The following ZNF558 variants were observed in gnomAD, a reference collection of about 807,000 sequenced individuals.
ZNF558 encodes the protein zinc finger protein 558.
ZNF558 carries 23 observed loss-of-function variants against 37.6 expected under a neutral mutation model. The ratio of observed to expected loss-of-function variants is 0.61; its 90% CI spans 0.44 to 0.87. The LOEUF (loss-of-function observed/expected upper bound fraction) is 0.87. Ranked by LOEUF, ZNF558 falls within the 40% of genes least tolerant of loss-of-function variation. The probability of loss-of-function intolerance (pLI) is 0.00; values close to 1 mark genes in which losing one functional copy is unlikely to be tolerated. For synonymous variants in ZNF558, 189 were observed against 174.4 expected (o/e 1.08, Z -0.66); for missense variants, 429 against 483.7 (o/e 0.89, Z 1.06).
At position 8,822,122 on chromosome 19, in the gene ZNF558, C is replaced by T. The variant is rs2044109117; in HGVS notation, c.32-31G>A. On this transcript the variant is annotated intron_variant, in intron 5 of 9. Transcript: ENST00000601372. The surrounding 1 kb of genome is among the most constrained non-coding windows in gnomAD (Gnocchi z 4.4). ...GGAGGAGAAATGAGTCCCATGGATT[C>T]AGGCTTGTCTGACACCCACAGATCT... The T allele has an allele frequency of 6.2e-7, 1 of 1,613,074 alleles. No individual in the cohort carries two copies. The highest frequency in any genetic ancestry group is 1.1e-5 in the South Asian group (1 of 90,986).
rs1006586035 is a variant in ZNF558 at position 8,808,253 on chromosome 19, A to G, written c.*3028T>C. 1 of 152,196 alleles carries G rather than the reference A, an allele frequency of 6.6e-6. No homozygotes were observed. The highest frequency in any genetic ancestry group is 2.1e-4 in the South Asian group (1 of 4,826). 9.4% of individuals were successfully genotyped at this position (152,196 alleles called of 1,614,324 possible). On this transcript the variant is annotated 3_prime_UTR_variant, in exon 10 of 10. Transcript: ENST00000601372. ...AACCTGGGAGGCCAAGGTTGCAGTGAGCCGAGATCGCACCATTGCACTCCA... is the reference window on the plus strand; with the variant it reads ...AACCTGGGAGGCCAAGGTTGCAGTGGGCCGAGATCGCACCATTGCACTCCA...
At chr19:8,830,493 T>C (rs1291336011) in intron 2 of ZNF558, among the ~76,000 whole-genome samples, 1 of 152,136 alleles carries the variant, frequency 6.6e-6, no homozygotes, top group Non-Finnish European at 1.5e-5. Context: ...TCAAAACACA[T>C]CTGGTCGCCG....
chr19:8,824,819 G>C (rs2044194347), intron 3 of ZNF558, among the ~76,000 whole-genome samples, 183 bp downstream of exon 3: 1 of 152,104 alleles, frequency 6.6e-6, no homozygotes. Context: ...ATCTTCTGTA[G>C]TGCGATGAGC....
rs1183136630 is a variant in ZNF558, at chr19:8,821,996, G to C, written c.120+7C>G. On this transcript the variant is annotated splice_region_variant and intron_variant, in intron 6 of 9. Coordinates refer to ENST00000601372, the MANE Select transcript of ZNF558 (RefSeq NM_144693.3). ...TAATGATTTGGGAAAAGGAACATCTGACTCACCCGTAGCCAGCTTGTCAGG... is the reference window on the plus strand; with the variant it reads ...TAATGATTTGGGAAAAGGAACATCTCACTCACCCGTAGCCAGCTTGTCAGG... 2 of 1,613,896 alleles carry C rather than the reference G, an allele frequency of 1.2e-6. No individual in the cohort carries two copies. Among genetic ancestry groups the C allele is most frequent in the Non-Finnish European group, 1.7e-6 (2 of 1,179,852 alleles).
intron 7 of ZNF558, among the ~76,000 whole-genome samples, chr19:8,818,424 C>T (rs2043997010): frequency 6.6e-6 from 1 of 152,076 alleles, no homozygotes; most frequent in Non-Finnish European, 1.5e-5. Flanking sequence ...TGCACTCCAG[C>T]CTGGTGACAG....
At chr19:8,814,555 C>T (rs2967743) in intron 7 of ZNF558, among the ~76,000 whole-genome samples, 36,108 of 151,986 alleles carry the variant, frequency 0.24, 4,742 homozygotes, top group Non-Finnish European at 0.3. Flanking sequence ...CCTGTAATTC[C>T]AAGCACATAC....
intron 2 of ZNF558, among the ~76,000 whole-genome samples, chr19:8,829,259 C>CA (rs145780276): frequency 0.061 from 8,460 of 139,786 alleles, 729 homozygotes; most frequent in African/African-American, 0.2. Context: ...GACTCCATCT[C>CA]AAAAAAAAAA....
Position 8,822,662 on chromosome 19 carries a change from T to C in ZNF558, c.-3A>G. ...GAGGGCAGGATGACAGCCGCCATCC[T>C]GTGACTCCGACAGCAACAGGGCAGC... On this transcript the variant is annotated 5_prime_UTR_variant, in exon 5 of 10. Coordinates refer to ENST00000601372, the MANE Select transcript of ZNF558 (RefSeq NM_144693.3). The surrounding 1 kb of genome is among the most constrained non-coding windows in gnomAD (Gnocchi z 4.4). 6.2e-7 allele frequency: 1 copy of C among 1,614,066 alleles called. No homozygotes were observed. Among genetic ancestry groups the C allele is most frequent in the Non-Finnish European group, 8.5e-7 (1 of 1,179,988 alleles).
Position 8,811,649 on chromosome 19 carries a change from C to T in ZNF558, c.841G>A (p.Gly281Arg). The change falls in exon 10 of 10, where the codon GGG becomes AGG. Residue 281 changes from glycine (G) to arginine (R), a missense_variant. By Grantham distance (125) the Gly-to-Arg change is moderately radical. Coordinates refer to ENST00000601372, the MANE Select transcript of ZNF558 (RefSeq NM_144693.3). ...TCCCCTGTATGAATGCTATTGTGCC[C>T]AGTGAGAGAGGACCTTGTGCTGAAA... Reference protein sequence around the residue: ...KAFSTRSSLTGHNSIHTGEKP... With the variant: ...KAFSTRSSLTRHNSIHTGEKP... 1 of 1,614,110 alleles carries T rather than the reference C, an allele frequency of 6.2e-7. No individual in the cohort carries two copies. Among genetic ancestry groups the T allele is most frequent in the Non-Finnish European group, 8.5e-7 (1 of 1,180,024 alleles).
At chr19:8,816,672 C>G (rs1317919179) in intron 7 of ZNF558, among the ~76,000 whole-genome samples, 1 of 151,950 alleles carries the variant, frequency 6.6e-6, no homozygotes, top group Non-Finnish European at 1.5e-5. Flanking sequence ...GACTTCAGGA[C>G]AAAATGAAAA....
intron 1 of ZNF558, among the ~76,000 whole-genome samples, chr19:8,831,767 A>AT (rs535069635): frequency 4.5e-4 from 68 of 150,246 alleles, no homozygotes; most frequent in South Asian, 3.2e-3. Context: ...AACTGCAGAG[A>AT]TTTTTTTTTT....
At chr19:8,813,348 T>C in intron 7 of ZNF558, 126 bp from the exon 8 acceptor site, 1 of 701,578 alleles carries the variant, frequency 1.4e-6, no homozygotes, top group Non-Finnish European at 2.4e-6. Flanking sequence ...AAATTATGCC[T>C]TAATTCTTTT....
intron 2 of ZNF558, among the ~76,000 whole-genome samples, chr19:8,830,280 C>T (rs1414927451): frequency 6.6e-6 from 1 of 152,130 alleles, no homozygotes; most frequent in Admixed American, 6.6e-5. Context: ...TTGTAAGTCA[C>T]TCAGTCTCAG....
In ZNF558 at chr19:8,811,523, T is replaced by C. The variant is rs541472036; in HGVS notation, c.967A>G (p.Asn323Asp). The C allele has an allele frequency of 1.9e-6, 3 of 1,614,210 alleles. No individual in the cohort carries two copies. The South Asian group carries it at 3.3e-5, about 18-fold the overall frequency. Residue 323 changes from asparagine (N) to aspartate (D), a missense_variant, in exon 10 of 10, where the codon AAC (asparagine) becomes GAC (aspartate). Physicochemically the swap from Asn to Asp is conservative, Grantham distance 23. Transcript: ENST00000601372. ...THTGEKPYEC[N>D]ECGKSFSSSF... ...CTGCTGAAGGATTTCCCACACTCGT[T>C]ACATTCATAGGGTTTTTCTCCAGTA...
Position 8,821,235 on chromosome 19 carries a change from T to G in ZNF558, c.192A>C (p.Gln64His), listed in dbSNP as rs1163548716. ...GCATCACATCCCTGTACAGTGTCCT[T>G]TGGGCAGGGTCCAGCAACGCCCACT... Reference protein sequence around the residue: ...QEEWALLDPAQRTLYRDVMLE... With the variant: ...QEEWALLDPAHRTLYRDVMLE... Residue 64 changes from glutamine (Q) to histidine (H), a missense_variant, in exon 7 of 10, where the codon CAA (glutamine) becomes CAC (histidine). Coordinates refer to ENST00000601372, the MANE Select transcript of ZNF558 (RefSeq NM_144693.3). 3 of 1,614,128 alleles carry G rather than the reference T, an allele frequency of 1.9e-6. No homozygotes were observed. The highest frequency in any genetic ancestry group is 2.5e-6 in the Non-Finnish European group (3 of 1,180,018).
Position 8,810,513 on chromosome 19 carries a change from A to G in ZNF558, c.*768T>C. 6.6e-6 allele frequency: 1 copy of G among 152,228 alleles called. No homozygotes were observed. Among genetic ancestry groups the G allele is most frequent in the Non-Finnish European group, 1.5e-5 (1 of 68,056 alleles). 9.4% of individuals were successfully genotyped at this position (152,228 alleles called of 1,614,324 possible). On this transcript the variant is annotated 3_prime_UTR_variant, in exon 10 of 10. Transcript: ENST00000601372. ...TCTCAGTACATAATCTTCTGGGCCCATGAAGGTGAGAATTCGAGCTGAGAG... is the reference window on the plus strand; with the variant it reads ...TCTCAGTACATAATCTTCTGGGCCCGTGAAGGTGAGAATTCGAGCTGAGAG...
At chr19:8,829,246 T>A (rs2044298170) in intron 2 of ZNF558, among the ~76,000 whole-genome samples, 1 of 149,100 alleles carries the variant, frequency 6.7e-6, no homozygotes, top group Non-Finnish European at 1.5e-5. Flanking sequence ...GGTAACAGAG[T>A]GAGACTCCAT....
At chr19:8,830,163 G>A (rs547270139) in intron 2 of ZNF558, among the ~76,000 whole-genome samples, 1 of 152,256 alleles carries the variant, frequency 6.6e-6, no homozygotes, top group East Asian at 1.9e-4. Flanking sequence ...TCTCTCTCCT[G>A]CTGCCATGTA....
At chr19:8,834,110 C>A (rs947200028), upstream of ZNF558, among the ~76,000 whole-genome samples, 1 of 152,164 alleles carries the variant, frequency 6.6e-6, no homozygotes, top group African/African-American at 2.4e-5. Flanking sequence ...GAAATACTTT[C>A]AATGAATGAT....
Sources: allele counts gnomAD v4.1 joint callset (sites outside exome capture counted in the v4.1 genomes callset), GRCh38; gene constraint gnomAD v4.1.1; non-coding constraint Gnocchi (gnomAD v3.1); transcripts MANE v1.5; gene names NCBI Gene and HGNC (gene_info 2026-07-23, HGNC 2026-07-21).